Variants in EIF5B observed in about 807,000 individuals in gnomAD.
The protein encoded by EIF5B is eIF-5B.
EIF5B carries 47 observed loss-of-function variants against 147.5 expected under a neutral mutation model. That is an observed-to-expected ratio of 0.32 (90% CI 0.25 to 0.41). The LOEUF is 0.41. EIF5B is among the 10% of genes least tolerant of loss of function. EIF5B has a pLI of 1.00. For synonymous variants in EIF5B, 455 were observed against 456.2 expected (o/e 1.00, Z 0.03); for missense variants, 1,064 against 1,413.2 (o/e 0.75, Z 3.96).
At position 99,399,708 on chromosome 2, in the gene EIF5B, A is replaced by G. The variant is rs1675161935; in HGVS notation, c.*294A>G. On this transcript the variant is annotated 3_prime_UTR_variant, in exon 24 of 24. Transcript: ENST00000289371. The stretch of plus-strand genomic sequence containing the variant: ...AAAGTTTGCCCTTCCCCAAATTTGG[A>G]TTTTTATTACAGATCTAAAGCTCTT... 11 of 314,936 alleles carry G rather than the reference A, an allele frequency of 3.5e-5. No individual in the cohort carries two copies. The South Asian group carries it at 4.1e-4, about 12-fold the overall frequency. The allele number at this position is 314,936 out of a possible 1,614,324, so 19.5% of individuals were successfully genotyped here.
intron 12 of EIF5B, among the ~76,000 whole-genome samples, chr2:99,380,206 A>AT (rs898245521): frequency 1.2e-4 from 18 of 150,320 alleles, no homozygotes; most frequent in African/African-American, 2.0e-4. Context: ...GGCCAATATG[A>AT]TTTTTTTTTT....
In EIF5B at chr2:99,360,368, A is replaced by G. The variant is rs373543039; in HGVS notation, c.161+7A>G. 17 of 1,579,036 alleles carry G rather than the reference A, an allele frequency of 1.1e-5. No individual in the cohort carries two copies. The Admixed American group carries it at 2.0e-4, about 18-fold the overall frequency. ...AAAAAAAGCAGGACTTTGAGTAAGT[A>G]TATTTTAAATATATTTGATTTTTAT... On this transcript the variant is annotated splice_region_variant and intron_variant, in intron 2 of 23. Coordinates refer to ENST00000289371, the MANE Select transcript of EIF5B (RefSeq NM_015904.4).
intron 14 of EIF5B, among the ~76,000 whole-genome samples, chr2:99,388,210 T>C (rs911988216): frequency 6.6e-6 from 1 of 152,202 alleles, no homozygotes; most frequent in African/African-American, 2.4e-5. Flanking sequence ...TTTTTCTAAG[T>C]ATGTTGTTAT....
intron 4 of EIF5B, 144 bp downstream of exon 4, chr2:99,361,964 A>G: frequency 1.6e-6 from 1 of 627,432 alleles, no homozygotes; most frequent in Non-Finnish European, 2.4e-6. Flanking sequence ...AATTACGTCT[A>G]AGTATTTGAC....
At chr2:99,365,030 A>G (rs985058732) in intron 6 of EIF5B, among the ~76,000 whole-genome samples, 46 of 152,164 alleles carry the variant, frequency 3.0e-4, no homozygotes, top group Non-Finnish European at 8.8e-5. Context: ...TGGGCATATA[A>G]TTTATTACTT....
intron 14 of EIF5B, among the ~76,000 whole-genome samples, chr2:99,385,415 A>G (rs1342033143): frequency 2.0e-5 from 3 of 152,200 alleles, no homozygotes; most frequent in Non-Finnish European, 4.4e-5. Context: ...CTTTTAAGAA[A>G]TTGCTACAGC....
At chr2:99,386,567 G>A (rs370386705) in intron 14 of EIF5B, among the ~76,000 whole-genome samples, 1 of 147,934 alleles carries the variant, frequency 6.8e-6, no homozygotes, top group East Asian at 2.0e-4. Context: ...TCTTGCTGTT[G>A]CCCAGGCTGG....
At chr2:99,382,252 A>G (rs1305632418) in intron 13 of EIF5B, 26 bp downstream of exon 13, 1 of 1,594,906 alleles carries the variant, frequency 6.3e-7, no homozygotes, top group Non-Finnish European at 8.6e-7. Flanking sequence ...GTCTTTTCTC[A>G]TCAAGCAATC....
intron 1 of EIF5B, 87 bp from the exon 2 acceptor site, chr2:99,360,149 G>GA (rs1270551521): frequency 1.4e-6 from 2 of 1,462,072 alleles, no homozygotes; most frequent in East Asian, 4.8e-5. Flanking sequence ...GCTAATGCAT[G>GA]AAAAAGGTTA....
At chr2:99,338,253 G>T (rs1220180821) in intron 1 of EIF5B, 38 of 1,188,778 alleles carry the variant, frequency 3.2e-5, no homozygotes, top group African/African-American at 6.3e-5. Context: ...AACCGAGGTC[G>T]CTCCTTTCTA....
chr2:99,361,809 C>T lies in EIF5B; in HGVS notation c.908C>T (p.Thr303Ile). The change falls in exon 4 of 24, where the codon ACA becomes ATA. Residue 303 changes from threonine to isoleucine, a missense_variant. By Grantham distance (89) the Thr-to-Ile change is moderately conservative. Around this residue, in one of 4 missense-constraint regions of EIF5B, gnomAD observed 458 missense variants for 451.3 expected, o/e 1.01. Transcript: ENST00000289371. ...TCTGAAGAGAAAGCAGAGACTCCCA[C>T]AGCTGCAGAAGGTTGGTTAATACTT... ...PASEEKAETP[T>I]AAEDDNEGDK... 1 of 1,545,936 alleles carries T rather than the reference C, an allele frequency of 6.5e-7. No individual in the cohort carries two copies.
At chr2:99,360,618 G>T in intron 3 of EIF5B, 69 bp downstream of exon 3, 3 of 1,492,616 alleles carry the variant, frequency 2.0e-6, no homozygotes, top group Non-Finnish European at 1.8e-6. Context: ...GTTGGTTTGG[G>T]GAGCTACATT....
At chr2:99,341,800 TAGA>T (rs2094260180) in intron 1 of EIF5B, among the ~76,000 whole-genome samples, 1 of 152,326 alleles carries the variant, frequency 6.6e-6, no homozygotes, top group East Asian at 1.9e-4. Context: ...TTTTCAAAAA[TAGA>T]AGAGCTAAGC....
chr2:99,385,188 A>G (rs988927121), intron 14 of EIF5B, among the ~76,000 whole-genome samples: 4 of 152,130 alleles, frequency 2.6e-5, no homozygotes, highest in African/African-American at 9.7e-5. Flanking sequence ...CTGGGATTAC[A>G]GGCATGCGCC....
chr2:99,393,625 C>T (rs1177882725), intron 18 of EIF5B, among the ~76,000 whole-genome samples: 1 of 152,314 alleles, frequency 6.6e-6, no homozygotes, highest in East Asian at 1.9e-4. Flanking sequence ...GTTCCCAGCA[C>T]ATGGCTCTTG....
At chr2:99,390,748 GT>G (rs1674908249) in intron 17 of EIF5B, 43 bp downstream of exon 17, 5 of 1,543,360 alleles carry the variant, frequency 3.2e-6, no homozygotes, top group Non-Finnish European at 4.4e-6. Context: ...GACTTGTACA[GT>G]GTTTAGAAGT....
chr2:99,348,458 T>C (rs1196829216), intron 1 of EIF5B, among the ~76,000 whole-genome samples: 9 of 152,180 alleles, frequency 5.9e-5, no homozygotes, highest in Admixed American at 5.9e-4. Context: ...TTTTCCTCTT[T>C]TTGTATGTAA....
At chr2:99,392,942 G>A (rs201872752) in intron 17 of EIF5B, 25 bp from the exon 18 acceptor site, 1 of 1,409,618 alleles carries the variant, frequency 7.1e-7, no homozygotes, top group Non-Finnish European at 9.3e-7. Context: ...AGTACATTTG[G>A]TAACAAATGT....
intron 23 of EIF5B, 33 bp from the exon 24 acceptor site, chr2:99,399,272 TTC>T: frequency 6.3e-7 from 1 of 1,599,592 alleles, no homozygotes; most frequent in Non-Finnish European, 8.6e-7. Flanking sequence ...GTTTGTTATG[TTC>T]TGTTTACCCT....
Sources: gnomAD v4.1 joint callset for allele counts (sites outside exome capture counted in the v4.1 genomes callset) on GRCh38, gnomAD v4.1.1 for gene constraint, gnomAD v4.1.1 regional missense constraint, MANE v1.5 for transcripts, NCBI Gene and HGNC (gene_info 2026-07-23, HGNC 2026-07-21) for gene names.